The following UGT1A8 variants were observed in gnomAD, a reference collection of about 807,000 sequenced individuals.
UGT1A8 encodes UDP-glucuronosyltransferase 1A8.
In UGT1A8, 39 loss-of-function variants were observed where a neutral mutation model predicts 45.3. That is an observed-to-expected ratio of 0.86 (90% CI 0.67 to 1.12). The LOEUF is 1.12. Among genes scored for constraint, UGT1A8 ranks in the 50% most tolerant of loss-of-function variants. UGT1A8 has a pLI of 0.00. For missense variants in UGT1A8, 719 were observed against 664.9 expected (o/e 1.08, Z -0.90); for synonymous variants, 275 against 249.2 (o/e 1.10, Z -0.97).
chr2:233,717,708 G>A, intron 1 of UGT1A8: 1 of 452,244 alleles, frequency 2.2e-6, no homozygotes, highest in Non-Finnish European at 4.5e-6. Context: ...AGCAGGACGA[G>A]CCTCATGGGC....
chr2:233,670,047 T>A (rs6731242), intron 1 of UGT1A8, among the ~76,000 whole-genome samples: 1,582 of 152,212 alleles, frequency 0.01, 41 homozygotes, highest in African/African-American at 0.036. Context: ...ACTAGAAGCC[T>A]TACCAATAAC....
intron 4 of UGT1A8, 140 bp downstream of exon 4, chr2:233,768,579 C>CT: frequency 4.3e-6 from 4 of 934,844 alleles, no homozygotes; most frequent in Admixed American, 8.5e-5. Context: ...ATTTTTATTT[C>CT]TTCTTTTTTT....
rs1159047004 is a variant in UGT1A8, at chr2:233,755,329, C to T, written c.856-11705C>T. ...CAGCGAGCGGCAAGGCTGCCAGCAC[C>T]CGCGCACAGGTCAGAGGCTTGGCGA... On this transcript the variant is annotated intron_variant, in intron 1 of 4. Coordinates refer to ENST00000373450, the MANE Select transcript of UGT1A8 (RefSeq NM_019076.5). The T allele has an allele frequency of 1.7e-5, 8 of 468,526 alleles. No individual in the cohort carries two copies. The Admixed American group carries it at 2.8e-4, about 16-fold the overall frequency. 29.0% of individuals were successfully genotyped at this position (468,526 alleles called of 1,614,324 possible).
intron 1 of UGT1A8, among the ~76,000 whole-genome samples, chr2:233,722,884 C>T (rs1358395821): frequency 7.1e-6 from 1 of 141,226 alleles, no homozygotes; most frequent in Admixed American, 7.2e-5. Flanking sequence ...ATTTATTGCT[C>T]ATTAAGTGGA....
At chr2:233,619,547 T>C (rs2072962897) in intron 1 of UGT1A8, among the ~76,000 whole-genome samples, 3 of 152,234 alleles carry the variant, frequency 2.0e-5, no homozygotes, top group African/African-American at 7.2e-5. Flanking sequence ...GGAATATGTG[T>C]GTCTCACTAT....
chr2:233,772,112 C>A, intron 4 of UGT1A8, 150 bp from the exon 5 acceptor site: 1 of 1,527,992 alleles, frequency 6.5e-7, no homozygotes, highest in South Asian at 1.2e-5. Context: ...GACTCTGTAT[C>A]TAAAAACAAC....
rs2075034938 is a variant in UGT1A8 at position 233,691,264 on chromosome 2, C to T, written c.855+72702C>T. 1.3e-5 allele frequency: 13 copies of T among 985,552 alleles called. No homozygotes were observed. The South Asian group carries it at 5.6e-4, about 43-fold the overall frequency. 61.1% of individuals were successfully genotyped at this position (985,552 alleles called of 1,614,324 possible). Reference sequence around the variant, plus strand: ...TAGATGAACTCAAAGCAAGATGCTGCCGCCCCCATGACTTTGATCATTGTA... The same window carrying T: ...TAGATGAACTCAAAGCAAGATGCTGTCGCCCCCATGACTTTGATCATTGTA... On this transcript the variant is annotated intron_variant, in intron 1 of 4. Coordinates refer to ENST00000373450, the MANE Select transcript of UGT1A8 (RefSeq NM_019076.5).
intron 1 of UGT1A8, chr2:233,647,965 G>A (rs186428204): frequency 1.8e-5 from 29 of 1,607,774 alleles, no homozygotes; most frequent in Middle Eastern, 3.8e-4. Context: ...CATGTGGTCG[G>A]TGGTGGAGAA....
chr2:233,746,309 C>A (rs1693355389), intron 1 of UGT1A8, among the ~76,000 whole-genome samples: 1 of 151,738 alleles, frequency 6.6e-6, no homozygotes, highest in Admixed American at 6.5e-5. Context: ...CCTTGGAGGG[C>A]CCTGTAGATG....
chr2:233,687,258 A>G (rs1365744263), intron 1 of UGT1A8, among the ~76,000 whole-genome samples: 2 of 152,216 alleles, frequency 1.3e-5, no homozygotes, highest in African/African-American at 4.8e-5. Context: ...AATGATCTTA[A>G]CCATGCATTC....
intron 1 of UGT1A8, among the ~76,000 whole-genome samples, chr2:233,766,240 CT>C (rs1055344910): frequency 2.0e-5 from 3 of 151,920 alleles, no homozygotes; most frequent in African/African-American, 7.3e-5. Flanking sequence ...AGGGTTTCCC[CT>C]GGAGTCAGAC....
chr2:233,671,793 A>T, intron 1 of UGT1A8: 2 of 1,410,022 alleles, frequency 1.4e-6, no homozygotes, highest in Non-Finnish European at 1.9e-6. Context: ...TGGGTAAATC[A>T]TTGTCAGTGA....
chr2:233,734,966 G>A (rs1165220522), intron 1 of UGT1A8, among the ~76,000 whole-genome samples: 1 of 152,234 alleles, frequency 6.6e-6, no homozygotes, highest in Non-Finnish European at 1.5e-5. Flanking sequence ...AGTGTGATGT[G>A]GTGCTGAGAA....
chr2:233,672,799 C>T, intron 1 of UGT1A8: 1 of 1,612,130 alleles, frequency 6.2e-7, no homozygotes, highest in Non-Finnish European at 8.5e-7. Context: ...GGTAAGTTAT[C>T]TCTCCTTTAG....
At chr2:233,728,069 G>T (rs750317437) in intron 1 of UGT1A8, among the ~76,000 whole-genome samples, 1 of 152,220 alleles carries the variant, frequency 6.6e-6, no homozygotes, top group Non-Finnish European at 1.5e-5. Context: ...CCTTGTGAGT[G>T]CTCAGGGTCT....
Position 233,747,650 on chromosome 2 carries a change from C to T in UGT1A8, c.856-19384C>T, listed in dbSNP as rs980868950. 70 of 1,587,860 alleles carry T rather than the reference C, an allele frequency of 4.4e-5. 1 individual carries two copies. The highest frequency in any genetic ancestry group is 2.1e-4 in the South Asian group (19 of 90,526). On this transcript the variant is annotated intron_variant, in intron 1 of 4. Transcript: ENST00000373450. Reference sequence around the variant, plus strand: ...TCAGGCACCTGAATGCTACTTCCTTCGATGTGGTTTTAATAGACCCAATTT... The same window carrying T: ...TCAGGCACCTGAATGCTACTTCCTTTGATGTGGTTTTAATAGACCCAATTT...
intron 1 of UGT1A8, among the ~76,000 whole-genome samples, chr2:233,758,818 TC>T (rs963233717): frequency 6.6e-6 from 1 of 151,974 alleles, no homozygotes; most frequent in South Asian, 2.1e-4. Context: ...CAGCAGTATA[TC>T]CCCCCCAAAA....
intron 1 of UGT1A8, among the ~76,000 whole-genome samples, chr2:233,626,668 C>G (rs921829459): frequency 1.3e-5 from 2 of 152,074 alleles, no homozygotes; most frequent in African/African-American, 4.8e-5. Context: ...TCATGACATT[C>G]TCTATCCAGA....
rs987232905 is a variant in UGT1A8, at chr2:233,703,559, T to G, written c.856-63475T>G. Among the ~76,000 whole-genome samples the G allele has an allele frequency of 2.0e-5, 3 of 152,228 alleles. No individual in the cohort carries two copies. In the East Asian group the frequency reaches 5.8e-4, roughly 29 times the overall value. ...ATTTCCCACTTTATTGCTAGTAATA[T>G]TTTTTGTTTTAAGGTCTATATTATC... On this transcript the variant is annotated intron_variant, in intron 1 of 4. Transcript: ENST00000373450.
Sources: gnomAD v4.1 joint callset for allele counts (sites outside exome capture counted in the v4.1 genomes callset) on GRCh38, gnomAD v4.1.1 for gene constraint, MANE v1.5 for transcripts, NCBI Gene and HGNC (gene_info 2026-07-23, HGNC 2026-07-21) for gene names.